Variants in ALPK3 observed in about 807,000 individuals in gnomAD.
The protein encoded by ALPK3 is alpha-protein kinase 3.
In ALPK3, 102 loss-of-function variants were observed where a neutral mutation model predicts 140.0. That is an observed-to-expected ratio of 0.73 (90% confidence interval 0.62 to 0.86). The LOEUF (loss-of-function observed/expected upper bound fraction) is 0.86. ALPK3 is among the 40% of genes least tolerant of loss of function. The pLI is 0.00. For missense variants in ALPK3, 2,254 were observed against 2,208.2 expected, an observed-to-expected ratio of 1.02 and a Z score of -0.42; for synonymous variants, 938 against 898.5, an observed-to-expected ratio of 1.04 and a Z score of -0.79.
intron 1 of ALPK3, among the ~76,000 whole-genome samples, chr15:84,822,522 C>T (rs1004106321): frequency 1.3e-5 from 2 of 152,072 alleles, no homozygotes; most frequent in African/African-American, 4.8e-5. Context: ...GATGGGGTGA[C>T]CTCTGACATC....
At chr15:84,866,247 A>G (rs1188835433) in intron 12 of ALPK3, among the ~76,000 whole-genome samples, 1 of 152,170 alleles carries the variant, frequency 6.6e-6, no homozygotes, top group African/African-American at 2.4e-5. Flanking sequence ...GAAATGACAA[A>G]TAAATCAATA....
rs759570194 is a variant in ALPK3, at chr15:84,859,875, C to G, written c.4065C>G (p.Ala1355=). 6.2e-7 allele frequency: 1 copy of G among 1,614,094 alleles called. No individual in the cohort carries two copies. The highest frequency in any genetic ancestry group is 1.3e-5 in the African/African-American group (1 of 75,072). The change falls in exon 8 of 14, where the codon GCC becomes GCG. Residue 1355 remains alanine (A), a synonymous_variant. Transcript: ENST00000258888. The part of the protein sequence containing the change: ...RCTIHNEHGS[A]STDFCLSPEV... ...CCATCCACAATGAGCACGGCTCGGCCTCCACCGACTTCTGCCTCAGCCCTG... is the reference window on the plus strand; with the variant it reads ...CCATCCACAATGAGCACGGCTCGGCGTCCACCGACTTCTGCCTCAGCCCTG...
intron 5 of ALPK3, among the ~76,000 whole-genome samples, chr15:84,846,874 C>T (rs1375227898): frequency 1.3e-5 from 2 of 152,008 alleles, no homozygotes; most frequent in African/African-American, 2.4e-5. Context: ...AAGAGATTCT[C>T]CTGCCTCAGC....
chr15:84,820,484 G>A (rs138028360), intron 1 of ALPK3, among the ~76,000 whole-genome samples: 1 of 152,068 alleles, frequency 6.6e-6, no homozygotes, highest in African/African-American at 2.4e-5. Flanking sequence ...TATTATTTTA[G>A]TGTGTTTTTT....
chr15:84,847,807 C>T (rs535585402), intron 5 of ALPK3, among the ~76,000 whole-genome samples: 2 of 152,222 alleles, frequency 1.3e-5, no homozygotes, highest in Non-Finnish European at 2.9e-5. Flanking sequence ...GCCTGTAATC[C>T]CAGCACTGTG....
intron 13 of ALPK3, 112 bp from the exon 14 acceptor site, chr15:84,867,999 G>A: frequency 9.2e-7 from 1 of 1,084,184 alleles, no homozygotes; most frequent in Non-Finnish European, 1.3e-6. Flanking sequence ...CTCAGATAAG[G>A]TAGGATGTAC....
intron 9 of ALPK3, among the ~76,000 whole-genome samples, 159 bp from the exon 10 acceptor site, chr15:84,862,476 T>C (rs1035144413): frequency 6.6e-6 from 1 of 152,108 alleles, no homozygotes; most frequent in African/African-American, 2.4e-5. Context: ...GCTCATAGTC[T>C]GGTGGGGACT....
At chr15:84,845,247 A>G (rs1428635534) in intron 5 of ALPK3, among the ~76,000 whole-genome samples, 1 of 152,094 alleles carries the variant, frequency 6.6e-6, no homozygotes, top group Non-Finnish European at 1.5e-5. Context: ...ATCAGCCTTC[A>G]GGAATGGAAA....
Position 84,858,022 on chromosome 15 carries a change from T to C in ALPK3, c.3284T>C (p.Val1095Ala), listed in dbSNP as rs565651005. ...GGAGCCAGTGAGGGTGAAGGAGAGG[T>C]TTCCCCTGAGGGGCCTGGCCTCCTG... ...SEGASEGEGE[V>A]SPEGPGLLGA... Residue 1095 changes from valine to alanine, a missense_variant, in exon 6 of 14, where the codon GTT becomes GCT. Val to Ala is a moderately conservative substitution (Grantham distance 64, BLOSUM62 0). This residue lies in a region of ALPK3 where 2,088 missense variants were observed against 2,022.9 expected (regional missense o/e 1.03). Transcript: ENST00000258888. The C allele has an allele frequency of 1.3e-6, 2 of 1,584,640 alleles. No homozygotes were observed. Among genetic ancestry groups the C allele is most frequent in the African/African-American group, 1.4e-5 (1 of 74,038 alleles).
chr15:84,827,409 G>T, intron 2 of ALPK3, 75 bp from the exon 3 acceptor site: 2 of 1,586,626 alleles, frequency 1.3e-6, no homozygotes, highest in Non-Finnish European at 8.6e-7. Flanking sequence ...TAAGACGGAA[G>T]CTGCCTTGGA....
Position 84,839,698 on chromosome 15 carries a change from C to T in ALPK3, c.423-4C>T. 6.3e-7 allele frequency: 1 copy of T among 1,596,204 alleles called. No homozygotes were observed. Among genetic ancestry groups the T allele is most frequent in the East Asian group, 2.2e-5 (1 of 44,638 alleles). On this transcript the variant is annotated splice_region_variant and splice_polypyrimidine_tract_variant and intron_variant, in intron 4 of 13. Transcript: ENST00000258888. ...GAGGTGGCACCTCCCGCTCCTACCT[C>T]TAGGTGTCGAGAAGAAGATGCCGCC... is the stretch of plus-strand genomic sequence containing the variant.
Position 84,862,864 on chromosome 15 carries a change from G to T in ALPK3, c.4359G>T (p.Gly1453=). 6.2e-7 allele frequency: 1 copy of T among 1,614,118 alleles called. No individual in the cohort carries two copies. The highest frequency in any genetic ancestry group is 8.5e-7 in the Non-Finnish European group (1 of 1,180,026). ...AGGTGTCCAGCCTGCTTGTGTTTGG[G>T]CCCAGCAGTGAGACTTCTCTTGTGG... ...IIKVSSLLVF[G]PSSETSLVGR... Residue 1453 remains glycine (G), a synonymous_variant, in exon 10 of 14, where the codon GGG becomes GGT. Transcript: ENST00000258888.
At position 84,872,706 on chromosome 15, in the gene ALPK3, CAT is replaced by C. The variant is rs1381327619; in HGVS notation, c.*4253_*4254del. On this transcript the variant is annotated 3_prime_UTR_variant, in exon 14 of 14. Transcript: ENST00000258888. Reference sequence around the variant, plus strand: ...ATGATTTATCTCCCACTCTGATTCACATATGTTTGACCAAGGCACTGGGCAGC... The same window carrying C: ...ATGATTTATCTCCCACTCTGATTCACATGTTTGACCAAGGCACTGGGCAGC... 4 of 152,264 alleles carry C rather than the reference CAT, an allele frequency of 2.6e-5. No homozygotes were observed. Among genetic ancestry groups the C allele is most frequent in the Admixed American group, 2.6e-4 (4 of 15,284 alleles). The allele number at this position is 152,264 out of a possible 1,614,324, so 9.4% of individuals were successfully genotyped here. A position where few individuals can be genotyped will look rare whatever the true frequency, so the allele number is the denominator to read the frequency against.
chr15:84,839,021 G>A lies in ALPK3; in HGVS notation c.346G>A (p.Glu116Lys). 6.2e-7 allele frequency: 1 copy of A among 1,614,102 alleles called. No homozygotes were observed. Among genetic ancestry groups the A allele is most frequent in the Non-Finnish European group, 8.5e-7 (1 of 1,179,988 alleles). ...GGTGACCTGGTACAAGGATGATACGGAGCTGGACCGCTACTGTGGCTTGCC... is the reference window on the plus strand; with the variant it reads ...GGTGACCTGGTACAAGGATGATACGAAGCTGGACCGCTACTGTGGCTTGCC... ...PEVTWYKDDT[E>K]LDRYCGLPKY... Residue 116 changes from glutamate to lysine, a missense_variant, in exon 4 of 14, where the codon GAG (glutamate) becomes AAG (lysine). This residue lies in a region of ALPK3 where 2,088 missense variants were observed against 2,022.9 expected (regional missense o/e 1.03). Transcript: ENST00000258888.
chr15:84,850,875 G>GATATATAT (rs371051171), intron 5 of ALPK3, among the ~76,000 whole-genome samples: 1 of 136,518 alleles, frequency 7.3e-6, no homozygotes, highest in Non-Finnish European at 1.6e-5. Flanking sequence ...CACAGTTCCA[G>GATATATAT]ATATACACAC....
chr15:84,860,007 G>A (rs780917084), intron 8 of ALPK3, 30 bp from the exon 9 acceptor site: 62 of 1,614,008 alleles, frequency 3.8e-5, no homozygotes, highest in Non-Finnish European at 5.1e-5. Context: ...GCAGCCTGAA[G>A]GCACTGCTTT....
Position 84,838,967 on chromosome 15 carries a change from G to C in ALPK3, c.305-13G>C, listed in dbSNP as rs550553150. On this transcript the variant is annotated splice_polypyrimidine_tract_variant and intron_variant, in intron 3 of 13. Coordinates refer to ENST00000258888, the MANE Select transcript of ALPK3 (RefSeq NM_020778.5). ...TGGCCTTGCTGTAACCCAGTCTCCTGCTTCTTTCTCAGGATACCCAGAGCC... is the reference window on the plus strand; with the variant it reads ...TGGCCTTGCTGTAACCCAGTCTCCTCCTTCTTTCTCAGGATACCCAGAGCC... 2.1e-5 allele frequency: 34 copies of C among 1,612,136 alleles called. No homozygotes were observed. The South Asian group carries it at 3.4e-4, about 16-fold the overall frequency.
chr15:84,831,055 G>A (rs573000675), intron 3 of ALPK3, among the ~76,000 whole-genome samples: 2 of 152,260 alleles, frequency 1.3e-5, no homozygotes, highest in South Asian at 4.1e-4. Context: ...GAATTTGGCT[G>A]GGTATAGAAT....
rs768673780 is a variant in ALPK3 at position 84,862,703 on chromosome 15, G to T, written c.4198G>T (p.Asp1400Tyr). 3 of 1,614,182 alleles carry T rather than the reference G, an allele frequency of 1.9e-6. No individual in the cohort carries two copies. The highest frequency in any genetic ancestry group is 1.7e-6 in the Non-Finnish European group (2 of 1,180,030). The change falls in exon 10 of 14, where the codon GAC becomes TAC. Residue 1400 changes from aspartate to tyrosine, a missense_variant. Transcript: ENST00000258888. ...KGLADSGCWG[D>Y]KLFGRLVSEE... is the part of the protein sequence containing the mutation. ...TCTGGCTGACTCTGGCTGCTGGGGG[G>T]ACAAGCTCTTTGGGCGACTGGTAAG... is the stretch of plus-strand genomic sequence containing the variant.
Sources: gnomAD v4.1 joint callset for allele counts (sites outside exome capture counted in the v4.1 genomes callset) on GRCh38, gnomAD v4.1.1 for gene constraint, gnomAD v4.1.1 regional missense constraint, MANE v1.5 for transcripts, NCBI Gene and HGNC (gene_info 2026-07-23, HGNC 2026-07-21) for gene names.